PARD3B: variants seen among roughly 807,000 people sequenced by gnomAD.
PARD3B encodes the protein par-3 family cell polarity regulator beta, also known as partitioning defective 3 homolog B.
PARD3B carries 103 observed loss-of-function variants against 130.2 expected under a neutral mutation model. The ratio of observed to expected loss-of-function variants is 0.79; its 90% CI spans 0.67 to 0.93. PARD3B has a LOEUF of 0.93. PARD3B is among the 40% of genes least tolerant of loss of function. PARD3B has a pLI of 0.00. For synonymous variants in PARD3B, 583 were observed against 553.2 expected (o/e 1.05, Z -0.76); for missense variants, 1,609 against 1,499.2 (o/e 1.07, Z -1.21).
intron 19 of PARD3B, among the ~76,000 whole-genome samples, chr2:205,433,489 G>A (rs921884859): frequency 2.1e-5 from 3 of 141,362 alleles, no homozygotes; most frequent in Non-Finnish European, 4.5e-5. Context: ...CTGAGATCAC[G>A]CCACTGCACT....
intron 3 of PARD3B, among the ~76,000 whole-genome samples, chr2:205,003,103 C>A (rs1339380606): frequency 6.6e-6 from 1 of 152,212 alleles, no homozygotes; most frequent in East Asian, 1.9e-4. Flanking sequence ...CATTCCTTGG[C>A]TCCTGGTCCC....
chr2:204,744,347 G>A (rs891369027), intron 2 of PARD3B, among the ~76,000 whole-genome samples: 2 of 152,110 alleles, frequency 1.3e-5, no homozygotes, highest in East Asian at 1.9e-4. Flanking sequence ...TGATTCAAAC[G>A]AGGCCAAAGC....
At chr2:205,329,403 T>G (rs548387036) in intron 18 of PARD3B, among the ~76,000 whole-genome samples, 1 of 152,334 alleles carries the variant, frequency 6.6e-6, no homozygotes, top group African/African-American at 2.4e-5. Context: ...TTATCACATA[T>G]GGTAAGACAT....
intron 1 of PARD3B, among the ~76,000 whole-genome samples, chr2:204,592,877 A>G (rs1211177384): frequency 2.0e-5 from 3 of 152,216 alleles, no homozygotes; most frequent in Non-Finnish European, 2.9e-5. Context: ...GAATTGTACA[A>G]TCAATATGTG....
intron 19 of PARD3B, among the ~76,000 whole-genome samples, chr2:205,408,484 G>A (rs564810050): frequency 4.6e-5 from 7 of 152,258 alleles, no homozygotes; most frequent in Middle Eastern, 3.4e-3. Context: ...AAATGAAGAT[G>A]CTTATTAGAG....
intron 1 of PARD3B, among the ~76,000 whole-genome samples, chr2:204,563,312 G>A (rs946134445): frequency 3.5e-5 from 5 of 143,042 alleles, no homozygotes; most frequent in African/African-American, 7.8e-5. Context: ...CTGGATTAGG[G>A]TCCACCCTAA....
chr2:205,279,288 G>A (rs2041096852), intron 16 of PARD3B, among the ~76,000 whole-genome samples: 1 of 151,940 alleles, frequency 6.6e-6, no homozygotes, highest in African/African-American at 2.4e-5. Context: ...CCAAAACATT[G>A]GGACACTATA....
chr2:205,156,275 G>GT (rs2034141003), intron 10 of PARD3B, among the ~76,000 whole-genome samples: 1 of 138,594 alleles, frequency 7.2e-6, no homozygotes, highest in African/African-American at 2.6e-5. Context: ...GGTGGGCGGG[G>GT]GGGGGAGGAA....
intron 11 of PARD3B, among the ~76,000 whole-genome samples, chr2:205,161,088 G>T (rs1408467260): frequency 3.9e-5 from 6 of 152,106 alleles, no homozygotes; most frequent in Non-Finnish European, 7.4e-5. Context: ...AGCTCTATTT[G>T]TAGAATTTAC....
At chr2:204,826,534 A>G (rs1328326015) in intron 2 of PARD3B, among the ~76,000 whole-genome samples, 1 of 152,174 alleles carries the variant, frequency 6.6e-6, no homozygotes, top group Admixed American at 6.6e-5. Context: ...AGATATTCAG[A>G]TATTTATTGT....
At position 204,679,238 on chromosome 2, in the gene PARD3B, A is replaced by G. The variant is rs557380220; in HGVS notation, c.121-6943A>G. Among the ~76,000 whole-genome samples the G allele has an allele frequency of 3.9e-5, 6 of 152,344 alleles. No individual in the cohort carries two copies. The South Asian group carries it at 1.2e-3, about 32-fold the overall frequency. Reference sequence around the variant, plus strand: ...ATTTCCAGATTTTTAGGTATTAAAAATAATCCTGCTATGAATATTCTGTGT... The same window carrying G: ...ATTTCCAGATTTTTAGGTATTAAAAGTAATCCTGCTATGAATATTCTGTGT... On this transcript the variant is annotated intron_variant, in intron 1 of 22. Transcript: ENST00000406610.
At chr2:205,521,799 C>T (rs1334917391) in intron 21 of PARD3B, among the ~76,000 whole-genome samples, 1 of 152,090 alleles carries the variant, frequency 6.6e-6, no homozygotes, top group Non-Finnish European at 1.5e-5. Flanking sequence ...AGAAGGGTTA[C>T]ATTACCTTTG....
chr2:205,069,124 G>A (rs911147397), intron 4 of PARD3B, among the ~76,000 whole-genome samples: 1 of 150,620 alleles, frequency 6.6e-6, no homozygotes, highest in Non-Finnish European at 1.5e-5. Flanking sequence ...CTATATATTT[G>A]TCAAATTCTG....
At chr2:204,645,300 AAG>A (rs1302287071) in intron 1 of PARD3B, among the ~76,000 whole-genome samples, 1 of 152,190 alleles carries the variant, frequency 6.6e-6, no homozygotes, top group African/African-American at 2.4e-5. Context: ...TTATTAGAAA[AAG>A]AGAAAAATAA....
intron 1 of PARD3B, among the ~76,000 whole-genome samples, chr2:204,617,883 T>C (rs1433314522): frequency 6.6e-6 from 1 of 152,202 alleles, no homozygotes; most frequent in Non-Finnish European, 1.5e-5. Context: ...ATCTCATTCT[T>C]TTTCTGGCTG....
intron 2 of PARD3B, among the ~76,000 whole-genome samples, chr2:204,719,158 TA>T (rs1369860420): frequency 2.6e-5 from 4 of 152,232 alleles, no homozygotes; most frequent in Non-Finnish European, 5.9e-5. Context: ...TTCATTTTGT[TA>T]AAGACGGGGC....
intron 18 of PARD3B, among the ~76,000 whole-genome samples, chr2:205,315,410 T>C (rs1262586560): frequency 6.6e-6 from 1 of 152,180 alleles, no homozygotes; most frequent in Non-Finnish European, 1.5e-5. Flanking sequence ...GTATTCTGCC[T>C]TGGGAGCCGA....
intron 18 of PARD3B, among the ~76,000 whole-genome samples, chr2:205,343,925 C>T (rs1237924425): frequency 3.9e-5 from 6 of 152,056 alleles, no homozygotes; most frequent in African/African-American, 1.4e-4. Context: ...TGGAAGAAAA[C>T]GGAAATTGAA....
rs1427199652 is a variant in PARD3B, at chr2:205,291,900, G to A, written c.2186-8630G>A. On this transcript the variant is annotated intron_variant, in intron 16 of 22. Transcript: ENST00000406610. This position sits in a 1 kb window ranked among gnomAD's most constrained non-coding sequence, Gnocchi z 4.6. ...CCAGGAGCTATTCTCCAGGACAATG[G>A]AAGAATGACTCTGAAGGCAATTCAG... Among the ~76,000 whole-genome samples, 2 of 152,206 alleles carry A rather than the reference G, an allele frequency of 1.3e-5. No homozygotes were observed. Among genetic ancestry groups the A allele is most frequent in the Non-Finnish European group, 2.9e-5 (2 of 68,042 alleles).
Sources: gnomAD v4.1 joint callset for allele counts (sites outside exome capture counted in the v4.1 genomes callset) on GRCh38, gnomAD v4.1.1 for gene constraint, Gnocchi (gnomAD v3.1) non-coding constraint, MANE v1.5 for transcripts, NCBI Gene and HGNC (gene_info 2026-07-23, HGNC 2026-07-21) for gene names.